The following TTLL11 variants were observed in gnomAD, a reference collection of about 807,000 sequenced individuals.
The protein encoded by TTLL11 is tubulin tyrosine ligase like 11, also known as tubulin polyglutamylase TTLL11.
TTLL11 carries 42 observed loss-of-function variants against 51.7 expected under a neutral mutation model. The ratio of observed to expected loss-of-function variants is 0.81; its 90% CI spans 0.64 to 1.05. The LOEUF (loss-of-function observed/expected upper bound fraction) is 1.05. Among genes scored for constraint, TTLL11 ranks in the 50% least tolerant of loss-of-function variants. The pLI is 0.00. For synonymous variants in TTLL11, 381 were observed against 383.5 expected, an observed-to-expected ratio of 0.99 and a Z score of 0.08; for missense variants, 799 against 940.4, an observed-to-expected ratio of 0.85 and a Z score of 1.97.
chr9:121,973,979 T>C (rs1842638283), intron 6 of TTLL11, 30 bp downstream of exon 6: 9 of 1,523,124 alleles, frequency 5.9e-6, no homozygotes, highest in East Asian at 2.5e-5. Context: ...GCAGAGTTGA[T>C]AGAAATGAAT....
Position 121,822,974 on chromosome 9 carries a change from T to A in TTLL11, c.1841-95A>T. On this transcript the variant is annotated intron_variant, in intron 8 of 8. Coordinates refer to ENST00000321582, the MANE Select transcript of TTLL11 (RefSeq NM_001139442.2). The surrounding 1 kb of genome is among the most constrained non-coding windows in gnomAD (Gnocchi z 5.8). ...CAGCCACAAGGATGTCAGCAAGAGCTAGCCCCGCTCCCCACCACCGTCTCC... is the reference window on the plus strand; with the variant it reads ...CAGCCACAAGGATGTCAGCAAGAGCAAGCCCCGCTCCCCACCACCGTCTCC... 7.4e-7 allele frequency: 1 copy of A among 1,349,852 alleles called. No individual in the cohort carries two copies. The highest frequency in any genetic ancestry group is 1.5e-5 in the South Asian group (1 of 65,256). The allele number at this position is 1,349,852 out of a possible 1,614,324, so 83.6% of individuals were successfully genotyped here. A position where few individuals can be genotyped will look rare whatever the true frequency, so the allele number is the denominator to read the frequency against.
intron 6 of TTLL11, among the ~76,000 whole-genome samples, chr9:121,968,707 C>T (rs546534164): frequency 1.3e-5 from 2 of 151,954 alleles, no homozygotes; most frequent in African/African-American, 2.4e-5. Flanking sequence ...CAGACATGCA[C>T]CACCATGCCT....
intron 3 of TTLL11, among the ~76,000 whole-genome samples, chr9:122,000,190 G>A (rs1471021142): frequency 6.6e-6 from 1 of 152,134 alleles, no homozygotes; most frequent in East Asian, 1.9e-4. Context: ...CCTTGGTGAT[G>A]GCTGGGTGCA....
intron 8 of TTLL11, among the ~76,000 whole-genome samples, chr9:121,855,423 A>AT (rs1269449933): frequency 3.3e-5 from 5 of 152,024 alleles, no homozygotes; most frequent in African/African-American, 7.3e-5. Flanking sequence ...TTTAAGCACC[A>AT]TTTTTTCTTC....
At chr9:122,042,091 C>T (rs1844859967) in intron 1 of TTLL11, among the ~76,000 whole-genome samples, 1 of 151,068 alleles carries the variant, frequency 6.6e-6, no homozygotes. Flanking sequence ...CTCACTGCAA[C>T]CTCTGCCTCC....
chr9:122,005,677 ATG>A (rs1843620334), intron 3 of TTLL11, among the ~76,000 whole-genome samples: 1 of 152,228 alleles, frequency 6.6e-6, no homozygotes, highest in Non-Finnish European at 1.5e-5. Flanking sequence ...TAATTCTGGA[ATG>A]TGTCAAAAAT....
intron 3 of TTLL11, among the ~76,000 whole-genome samples, chr9:122,002,296 C>T (rs1264927249): frequency 1.3e-5 from 2 of 152,184 alleles, no homozygotes; most frequent in East Asian, 3.9e-4. Flanking sequence ...GAAACAGATG[C>T]CCCGACTGCT....
At position 122,074,145 on chromosome 9, in the gene TTLL11, G is replaced by A. The variant is rs144358529; in HGVS notation, c.462+18542C>T. 1.2e-3 allele frequency among the ~76,000 whole-genome samples: 175 copies of A among 152,108 alleles called. 1 individual carries two copies. Among genetic ancestry groups the A allele is most frequent in the African/African-American group, 3.9e-3 (163 of 41,496 alleles). ...AAAAATTAGCCAGGTGTGGTGGTGC[G>A]CACATATAATACCAGCAAGTTGGGA... On this transcript the variant is annotated intron_variant, in intron 1 of 8. Coordinates refer to ENST00000321582, the MANE Select transcript of TTLL11 (RefSeq NM_001139442.2).
chr9:121,966,666 G>A (rs13300116), intron 6 of TTLL11, among the ~76,000 whole-genome samples: 32,399 of 152,130 alleles, frequency 0.21, 4,177 homozygotes, highest in Non-Finnish European at 0.3. Context: ...TCAAAGTTAA[G>A]CTTTGAATGT....
chr9:121,905,105 G>T (rs535159478), intron 6 of TTLL11, among the ~76,000 whole-genome samples: 1 of 152,128 alleles, frequency 6.6e-6, no homozygotes, highest in South Asian at 2.1e-4. Context: ...TCCAAGTTGC[G>T]GGGGTTCTCT....
intron 6 of TTLL11, among the ~76,000 whole-genome samples, chr9:121,968,395 G>A (rs1420047274): frequency 6.6e-6 from 1 of 152,066 alleles, no homozygotes; most frequent in Non-Finnish European, 1.5e-5. Flanking sequence ...ACCTTGCATT[G>A]GTAACCAGCT....
intron 6 of TTLL11, among the ~76,000 whole-genome samples, chr9:121,955,468 T>C (rs542846173): frequency 1.3e-5 from 2 of 152,318 alleles, no homozygotes; most frequent in Admixed American, 6.5e-5. Flanking sequence ...ACTCAGGTAG[T>C]ATGTGGTGCA....
rs1185795516 is a variant in TTLL11, at chr9:121,995,508, G to C, written c.694-5738C>G. Among the ~76,000 whole-genome samples the C allele has an allele frequency of 3.9e-5, 6 of 152,138 alleles. No homozygotes were observed. Among genetic ancestry groups the C allele is most frequent in the Non-Finnish European group, 8.8e-5 (6 of 68,020 alleles). ...TGGACAGATGTGAAAGGCGAGAGAG[G>C]AAAGGGTCATGGGTGAGCTCACGGT... On this transcript the variant is annotated intron_variant, in intron 3 of 8. Transcript: ENST00000321582. The surrounding 1 kb of genome is among the most constrained non-coding windows in gnomAD (Gnocchi z 4.4).
At chr9:121,913,538 T>A (rs1485682462) in intron 6 of TTLL11, among the ~76,000 whole-genome samples, 1 of 152,196 alleles carries the variant, frequency 6.6e-6, no homozygotes, top group Admixed American at 6.5e-5. Flanking sequence ...ATGCTGTTTA[T>A]GTTGCTTATC....
At chr9:121,930,932 T>G (rs982630498) in intron 6 of TTLL11, among the ~76,000 whole-genome samples, 1 of 152,246 alleles carries the variant, frequency 6.6e-6, no homozygotes, top group African/African-American at 2.4e-5. Flanking sequence ...ACTGCCCTCC[T>G]TCCTGGTAAC....
At chr9:122,070,568 T>C (rs1196487941) in intron 1 of TTLL11, among the ~76,000 whole-genome samples, 18 of 152,188 alleles carry the variant, frequency 1.2e-4, no homozygotes, top group Admixed American at 1.2e-3. Context: ...ACCTGATTCA[T>C]CTACCTGCTC....
In TTLL11 at chr9:121,997,476, C is replaced by G. The variant is rs575844332; in HGVS notation, c.694-7706G>C. On this transcript the variant is annotated intron_variant, in intron 3 of 8. Transcript: ENST00000321582. ...GCCTAAAGCCTAGCTTCCTAAGGACCCTGGGTGACACAGGCGCACGTGGGG... is the reference window on the plus strand; with the variant it reads ...GCCTAAAGCCTAGCTTCCTAAGGACGCTGGGTGACACAGGCGCACGTGGGG... Among the ~76,000 whole-genome samples, 229 of 152,186 alleles carry G rather than the reference C, an allele frequency of 1.5e-3. 1 individual carries two copies. Among genetic ancestry groups the G allele is most frequent in the African/African-American group, 4.9e-3 (204 of 41,524 alleles).
intron 7 of TTLL11, among the ~76,000 whole-genome samples, chr9:121,861,430 C>T (rs947787660): frequency 2.6e-5 from 4 of 151,972 alleles, no homozygotes; most frequent in African/African-American, 9.7e-5. Flanking sequence ...AGCTGCATGG[C>T]CCTGGTTAAA....
chr9:121,889,283 G>A (rs761589443), intron 6 of TTLL11, among the ~76,000 whole-genome samples: 12 of 152,140 alleles, frequency 7.9e-5, no homozygotes, highest in Non-Finnish European at 1.8e-4. Flanking sequence ...GAGGCTGGAG[G>A]TGCACGAGGA....
Sources: gnomAD v4.1 joint callset for allele counts (sites outside exome capture counted in the v4.1 genomes callset) on GRCh38, gnomAD v4.1.1 for gene constraint, Gnocchi (gnomAD v3.1) non-coding constraint, MANE v1.5 for transcripts, NCBI Gene and HGNC (gene_info 2026-07-23, HGNC 2026-07-21) for gene names.